Variants in XBP1 observed in about 807,000 individuals in gnomAD.
XBP1 encodes X-box binding protein 1.
In XBP1, 18 loss-of-function variants were observed where a neutral mutation model predicts 34.6. The ratio of observed to expected loss-of-function variants is 0.52; its 90% confidence interval spans 0.36 to 0.77. The LOEUF (loss-of-function observed/expected upper bound fraction) is 0.77, where lower values mean the gene tolerates loss of function less well. XBP1 is among the 30% of genes least tolerant of loss of function. The pLI, the probability that XBP1 is intolerant of heterozygous loss-of-function variation, is 0.00. For synonymous variants in XBP1, 191 were observed against 193.4 expected (o/e 0.99, Z 0.11); for missense variants, 422 against 464.6 (o/e 0.91, Z 0.84).
intron 2 of XBP1, among the ~76,000 whole-genome samples, chr22:28,798,351 AGTGCAGTG>A: frequency 7.3e-6 from 1 of 136,606 alleles, no homozygotes; most frequent in South Asian, 2.4e-4. Context: ...CCCAGACTGG[AGTGCAGTG>A]GCATGATCTC....
intron 1 of XBP1, among the ~76,000 whole-genome samples, 164 bp from the exon 2 acceptor site, chr22:28,799,317 TAC>T (rs1181387092): frequency 1.3e-5 from 2 of 152,218 alleles, no homozygotes; most frequent in East Asian, 1.9e-4. Flanking sequence ...AAATAAAAAA[TAC>T]AGTCTTCTGT....
intron 3 of XBP1, chr22:28,796,814 A>C (rs569443735): frequency 1.6e-4 from 41 of 262,326 alleles, no homozygotes; most frequent in African/African-American, 8.7e-4. Context: ...CTTGTTGGCT[A>C]CTGCATTTGT....
rs71196604 is a variant in XBP1, at chr22:28,798,768, C to CTTTT, written c.324+285_324+288dup. 5.6e-5 allele frequency: 7 copies of CTTTT among 125,288 alleles called. No homozygotes were observed. The South Asian group carries it at 6.2e-4, about 11-fold the overall frequency. The allele number at this position is 125,288 out of a possible 1,614,324, so 7.8% of individuals were successfully genotyped here. A position where few individuals can be genotyped will look rare whatever the true frequency, so the allele number is the denominator to read the frequency against. On this transcript the variant is annotated intron_variant, in intron 2 of 5. Coordinates refer to ENST00000344347, the Ensembl canonical transcript of XBP1. ...GGGACTACAGGCACTCACGCTTGGC[C>CTTTT]TTTTTTTTTTTTTTTTTTTTGGTAT...
exon 6 of XBP1, chr22:28,795,565 C>G: frequency 6.2e-7 from 1 of 1,614,124 alleles, no homozygotes; most frequent in Non-Finnish European, 8.5e-7. Flanking sequence ...TAATGGCTTC[C>G]AGCTTGGCTG....
chr22:28,797,306 G>A, intron 2 of XBP1, 101 bp from the exon 3 acceptor site: 1 of 1,374,460 alleles, frequency 7.3e-7, no homozygotes, highest in South Asian at 1.3e-5. Flanking sequence ...TTGAACTTTT[G>A]GAAAACTCTA....
chr22:28,796,392 G>T, intron 3 of XBP1, 200 bp from the exon 4 acceptor site: 1 of 443,324 alleles, frequency 2.3e-6, no homozygotes, highest in Non-Finnish European at 3.8e-6. Flanking sequence ...TTGAATCTTT[G>T]CCTGGAGGAG....
At chr22:28,797,287 C>T in intron 2 of XBP1, 82 bp from the exon 3 acceptor site, 1 of 1,490,498 alleles carries the variant, frequency 6.7e-7, no homozygotes, top group East Asian at 2.3e-5. Context: ...AATTGGTTTC[C>T]TTTCCTTCTT....
exon 5 of XBP1, chr22:28,796,108 A>G (rs2031746965): frequency 1.2e-6 from 2 of 1,614,152 alleles, no homozygotes; most frequent in African/African-American, 2.7e-5. Context: ...AGGGGTGACA[A>G]CTGGGCCTGC....
At chr22:28,798,820 C>A in intron 2 of XBP1, 1 of 240,072 alleles carries the variant, frequency 4.2e-6, no homozygotes, top group Non-Finnish European at 7.7e-6. Flanking sequence ...GGGATTTTAC[C>A]ATGTTGGCTA....
At chr22:28,797,398 G>C (rs1292453937) in intron 2 of XBP1, among the ~76,000 whole-genome samples, 193 bp from the exon 3 acceptor site, 1 of 152,158 alleles carries the variant, frequency 6.6e-6, no homozygotes, top group Non-Finnish European at 1.5e-5. Context: ...GCCACTTCAT[G>C]GGGTCAAGAA....
At chr22:28,796,109 C>G (rs772342018) in exon 5 of XBP1, 1 of 1,614,074 alleles carries the variant, frequency 6.2e-7, no homozygotes, top group Non-Finnish European at 8.5e-7. Context: ...GGGGTGACAA[C>G]TGGGCCTGCA....
At chr22:28,799,101 G>C in exon 2 of XBP1, 2 of 1,613,974 alleles carry the variant, frequency 1.2e-6, no homozygotes, top group Non-Finnish European at 1.7e-6. Context: ...TCACTCATTC[G>C]AGCCTTCTTT....
At chr22:28,795,894 A>G (rs1223574812) in intron 5 of XBP1, among the ~76,000 whole-genome samples, 153 bp downstream of exon 5, 3 of 152,160 alleles carry the variant, frequency 2.0e-5, no homozygotes, top group Admixed American at 6.5e-5. Flanking sequence ...TCCATGTTCT[A>G]TATTACCTGG....
At chr22:28,800,466 A>C in exon 1 of XBP1, 1 of 1,479,906 alleles carries the variant, frequency 6.8e-7, no homozygotes, top group Non-Finnish European at 8.9e-7. Context: ...CTGCCCCGAC[A>C]GAAGCAGAAC....
rs763709343 is a variant in XBP1, at chr22:28,797,056, C to T, written c.453+21G>A. ...TGGAACCAGTACTCACATGAGGCAC[C>T]AAATAAAGGAGATGATTTACCTTGG... On this transcript the variant is annotated intron_variant, in intron 3 of 5. Coordinates refer to ENST00000344347, the Ensembl canonical transcript of XBP1. 6 of 1,595,370 alleles carry T rather than the reference C, an allele frequency of 3.8e-6. No homozygotes were observed. In the African/African-American group the frequency reaches 5.5e-5, roughly 14 times the overall value.
In XBP1 at chr22:28,799,915, C is replaced by T. The variant is rs746532895; in HGVS notation, c.227+383G>A. 5 of 772,286 alleles carry T rather than the reference C, an allele frequency of 6.5e-6. No homozygotes were observed. In the East Asian group the frequency reaches 7.3e-5, roughly 11 times the overall value. 47.8% of individuals were successfully genotyped at this position (772,286 alleles called of 1,614,324 possible). ...TTCAACAGCTCTGTTATTTCAGCTC[C>T]GCGCCTCTCCAGAAATAGCAGTAAA... is the stretch of plus-strand genomic sequence containing the variant. On this transcript the variant is annotated intron_variant, in intron 1 of 5. Transcript: ENST00000344347.
At chr22:28,798,074 T>C (rs890379519) in intron 2 of XBP1, among the ~76,000 whole-genome samples, 4 of 152,144 alleles carry the variant, frequency 2.6e-5, no homozygotes, top group African/African-American at 4.8e-5. Flanking sequence ...AGGTGGACCC[T>C]AGAGGGGGAA....
downstream of XBP1, chr22:28,795,080 A>C: frequency 8.1e-7 from 1 of 1,232,488 alleles, no homozygotes. Flanking sequence ...TATACTCTCT[A>C]TTTTGGCTTT....
At chr22:28,795,845 G>A (rs372758128) in intron 5 of XBP1, 113 bp from the exon 6 acceptor site, 16 of 1,251,864 alleles carry the variant, frequency 1.3e-5, no homozygotes, top group Admixed American at 5.3e-5. Context: ...GTGATAAGAT[G>A]ACCTCGGGAC....
Sources: allele counts gnomAD v4.1 joint callset (sites outside exome capture counted in the v4.1 genomes callset), GRCh38; gene constraint gnomAD v4.1.1; transcripts MANE v1.5; gene names NCBI Gene and HGNC (gene_info 2026-07-23, HGNC 2026-07-21).